ARFGEF1: variants seen among roughly 807,000 people sequenced by gnomAD.
ARFGEF1 encodes the protein ARF guanine nucleotide exchange factor 1, also known as brefeldin A-inhibited guanine nucleotide-exchange protein 1.
ARFGEF1 carries 42 observed loss-of-function variants against 231.0 expected under a neutral mutation model. That is an observed-to-expected ratio of 0.18 (90% CI 0.14 to 0.24). ARFGEF1 has a LOEUF of 0.24. Ranked by LOEUF, ARFGEF1 falls within the 10% of genes least tolerant of loss-of-function variation. ARFGEF1 has a pLI of 1.00. For missense variants in ARFGEF1, 1,345 were observed against 2,192.0 expected (o/e 0.61, Z 7.72); for synonymous variants, 710 against 732.3 (o/e 0.97, Z 0.49).
chr8:67,268,806 A>G (rs1251913097), intron 10 of ARFGEF1, among the ~76,000 whole-genome samples: 1 of 152,242 alleles, frequency 6.6e-6, no homozygotes, highest in Non-Finnish European at 1.5e-5. Context: ...GAAGACAAAT[A>G]TCCATTAAGT....
chr8:67,223,880 T>C (rs1376771994), intron 29 of ARFGEF1, among the ~76,000 whole-genome samples: 1 of 152,194 alleles, frequency 6.6e-6, no homozygotes, highest in Non-Finnish European at 1.5e-5. Context: ...GGTCCACTGA[T>C]AAACAATCCA....
intron 14 of ARFGEF1, among the ~76,000 whole-genome samples, chr8:67,265,436 A>C (rs1804812174): frequency 6.6e-6 from 1 of 152,276 alleles, no homozygotes; most frequent in South Asian, 2.1e-4. Flanking sequence ...AAGAGAAAGG[A>C]AGGCAGCATG....
At chr8:67,293,052 A>G (rs1400560860) in intron 5 of ARFGEF1, among the ~76,000 whole-genome samples, 1 of 152,154 alleles carries the variant, frequency 6.6e-6, no homozygotes, top group Non-Finnish European at 1.5e-5. Flanking sequence ...GGGAAAATTA[A>G]GGTTACCAGT....
Position 67,238,371 on chromosome 8 carries a change from A to C in ARFGEF1, c.3261T>G (p.Ala1087=), listed in dbSNP as rs1839832628. The change falls in exon 22 of 39, where the codon GCT becomes GCG. Residue 1087 remains alanine, a synonymous_variant. Coordinates refer to ENST00000262215, the MANE Select transcript of ARFGEF1 (RefSeq NM_006421.5). ...GCCCTAAACCCACAAATTCATCAGG[A>C]GCCTGATCTTTTGTTCCAGTAAGAG... ...EGSLTGTKDQ[A]PDEFVGLGLV... 2 of 1,610,472 alleles carry C rather than the reference A, an allele frequency of 1.2e-6. No homozygotes were observed. The highest frequency in any genetic ancestry group is 2.2e-5 in the South Asian group (2 of 89,934).
At chr8:67,313,716 G>A (rs771461280) in intron 1 of ARFGEF1, among the ~76,000 whole-genome samples, 1 of 152,152 alleles carries the variant, frequency 6.6e-6, no homozygotes, top group Non-Finnish European at 1.5e-5. Context: ...ATGGTTTAAC[G>A]CTCTATTTTT....
At chr8:67,252,414 C>T (rs1587138290) in intron 18 of ARFGEF1, among the ~76,000 whole-genome samples, 1 of 151,756 alleles carries the variant, frequency 6.6e-6, no homozygotes, top group South Asian at 2.1e-4. Flanking sequence ...GTTTTCGGCA[C>T]ACCACCATCT....
intron 1 of ARFGEF1, among the ~76,000 whole-genome samples, chr8:67,341,674 CAT>C (rs1165184765): frequency 6.6e-6 from 1 of 152,166 alleles, no homozygotes; most frequent in Non-Finnish European, 1.5e-5. Flanking sequence ...TACAAACCTA[CAT>C]ATAACAATTC....
At position 67,253,321 on chromosome 8, in the gene ARFGEF1, CT is replaced by C. The variant is rs150766924; in HGVS notation, c.2698+129del. 5.9e-3 allele frequency: 3,199 copies of C among 543,398 alleles called. 87 individuals are homozygous for C. Among genetic ancestry groups the C allele is most frequent in the African/African-American group, 0.057 (2,939 of 51,294 alleles). The allele number at this position is 543,398 out of a possible 1,614,324, so 33.7% of individuals were successfully genotyped here. A position where few individuals can be genotyped will look rare whatever the true frequency, so the allele number is the denominator to read the frequency against. On this transcript the variant is annotated intron_variant, in intron 18 of 38. Transcript: ENST00000262215. The stretch of plus-strand genomic sequence containing the variant: ...GAACTCCTGGGTTCAAGTGATCCTT[CT>C]GCTTCAGCCTCCCTGAGTAGCTGGG...
At chr8:67,276,638 G>C (rs189590596) in intron 8 of ARFGEF1, among the ~76,000 whole-genome samples, 6 of 152,248 alleles carry the variant, frequency 3.9e-5, no homozygotes, top group Non-Finnish European at 4.4e-5. Context: ...AGGAGGAAAA[G>C]AACCTGTCAT....
At chr8:67,341,269 T>C (rs1039699645) in intron 1 of ARFGEF1, among the ~76,000 whole-genome samples, 1 of 152,112 alleles carries the variant, frequency 6.6e-6, no homozygotes, top group Non-Finnish European at 1.5e-5. Flanking sequence ...ATTAAAAATA[T>C]GTTGTAACAT....
At position 67,198,805 on chromosome 8, in the gene ARFGEF1, C is replaced by G. The variant is rs553438682; in HGVS notation, c.*129G>C. The G allele has an allele frequency of 6.8e-7, 1 of 1,464,018 alleles. No individual in the cohort carries two copies. The highest frequency in any genetic ancestry group is 1.4e-5 in the South Asian group (1 of 69,152). The allele number at this position is 1,464,018 out of a possible 1,614,324, so 90.7% of individuals were successfully genotyped here. A position where few individuals can be genotyped will look rare whatever the true frequency, so the allele number is the denominator to read the frequency against. ...AGTGTTGCAAGTTTGAGTAAGACTT[C>G]TAAGCATCTTTACCAGTAACTCAGA... On this transcript the variant is annotated 3_prime_UTR_variant, in exon 39 of 39. Coordinates refer to ENST00000262215, the MANE Select transcript of ARFGEF1 (RefSeq NM_006421.5).
intron 5 of ARFGEF1, chr8:67,180,045 C>CT (rs1304409222): frequency 3.7e-6 from 2 of 546,244 alleles, no homozygotes; most frequent in Non-Finnish European, 6.3e-6. Context: ...AAGGAATATT[C>CT]TTTTTTCTGT....
chr8:67,197,967 T>C lies in ARFGEF1; in HGVS notation c.*967A>G. 1.0e-6 allele frequency: 1 copy of C among 985,844 alleles called. No individual in the cohort carries two copies. Among genetic ancestry groups the C allele is most frequent in the Non-Finnish European group, 1.2e-6 (1 of 829,932 alleles). 61.1% of individuals were successfully genotyped at this position (985,844 alleles called of 1,614,324 possible). A position where few individuals can be genotyped will look rare whatever the true frequency, so the allele number is the denominator to read the frequency against. On this transcript the variant is annotated 3_prime_UTR_variant, in exon 39 of 39. Coordinates refer to ENST00000262215, the MANE Select transcript of ARFGEF1 (RefSeq NM_006421.5). ...TTAATATATTCAACGTTAAATTCTG[T>C]ACATAGAGTAAAATCTACATCAAGC...
chr8:67,193,577 A>G, downstream of ARFGEF1: 1 of 1,613,738 alleles, frequency 6.2e-7, no homozygotes, highest in Non-Finnish European at 8.5e-7. Flanking sequence ...GACTGAATGA[A>G]TTTCACAATA....
At position 67,276,058 on chromosome 8, in the gene ARFGEF1, A is replaced by G; in HGVS notation, c.1255T>C (p.Leu419=). ...PSPGAKFSHI[L]QKDAFLVFRS... is the part of the protein sequence containing the mutation. ...AATACTAGAAAGGCATCCTTTTGTA[A>G]AATGTGGGAAAACTTAGCACCAGGT... is the stretch of plus-strand genomic sequence containing the variant. Residue 419 remains leucine, a synonymous_variant, in exon 9 of 39, where the codon TTA becomes CTA. Coordinates refer to ENST00000262215, the MANE Select transcript of ARFGEF1 (RefSeq NM_006421.5). 1 of 1,613,466 alleles carries G rather than the reference A, an allele frequency of 6.2e-7. No individual in the cohort carries two copies. The highest frequency in any genetic ancestry group is 8.5e-7 in the Non-Finnish European group (1 of 1,179,552).
At chr8:67,303,000 T>A (rs1587266947) in intron 1 of ARFGEF1, among the ~76,000 whole-genome samples, 1 of 141,470 alleles carries the variant, frequency 7.1e-6, no homozygotes, top group Non-Finnish European at 1.5e-5. Flanking sequence ...GGGGTTGAGG[T>A]GGGAGGGTCC....
chr8:67,220,124 T>C (rs1334910348), intron 29 of ARFGEF1, among the ~76,000 whole-genome samples: 1 of 152,248 alleles, frequency 6.6e-6, no homozygotes, highest in African/African-American at 2.4e-5. Context: ...GCAGTGCTTA[T>C]TGCCTGGGAG....
intron 36 of ARFGEF1, 42 bp downstream of exon 36, chr8:67,203,037 ACATC>A (rs772536978): frequency 3.2e-6 from 5 of 1,574,198 alleles, no homozygotes; most frequent in Non-Finnish European, 4.3e-6. Context: ...TACCTGTCCC[ACATC>A]CATCAACAGT....
chr8:67,259,331 T>C (rs1840567291), intron 15 of ARFGEF1, among the ~76,000 whole-genome samples: 1 of 152,064 alleles, frequency 6.6e-6, no homozygotes, highest in Non-Finnish European at 1.5e-5. Context: ...GGTTCAAGTG[T>C]TTCTCCTGCC....
Sources: gnomAD v4.1 joint callset for allele counts (sites outside exome capture counted in the v4.1 genomes callset) on GRCh38, gnomAD v4.1.1 for gene constraint, MANE v1.5 for transcripts, NCBI Gene and HGNC (gene_info 2026-07-23, HGNC 2026-07-21) for gene names.